NEK4: variants seen among roughly 807,000 people sequenced by gnomAD.
The protein encoded by NEK4 is NIMA related kinase 4.
In NEK4, 86 loss-of-function variants were observed where a neutral mutation model predicts 98.4. That is an observed-to-expected ratio of 0.87 (90% CI 0.73 to 1.05). NEK4 has a LOEUF of 1.05. Ranked by LOEUF, NEK4 falls within the 50% of genes least tolerant of loss-of-function variation. NEK4 has a pLI of 0.00. For missense variants in NEK4, 898 were observed against 950.3 expected, an observed-to-expected ratio of 0.94 and a Z score of 0.72; for synonymous variants, 328 against 342.2, an observed-to-expected ratio of 0.96 and a Z score of 0.46.
intron 6 of NEK4, chr3:52,754,707 C>G (rs758063178): frequency 1.9e-6 from 1 of 539,182 alleles, no homozygotes; most frequent in Non-Finnish European, 3.7e-6. Context: ...GATGGTGAAT[C>G]TGGTACACCA....
chr3:52,723,544 A>G (rs1425195861), intron 15 of NEK4, among the ~76,000 whole-genome samples: 1 of 152,170 alleles, frequency 6.6e-6, no homozygotes, highest in Non-Finnish European at 1.5e-5. Flanking sequence ...GCCCGGTCTG[A>G]AAAAAAGAAA....
chr3:52,755,539 A>G (rs541780608), intron 6 of NEK4, among the ~76,000 whole-genome samples: 7 of 152,172 alleles, frequency 4.6e-5, no homozygotes, highest in Non-Finnish European at 1.0e-4. Flanking sequence ...AAAAAAATTC[A>G]TAACATAATA....
At chr3:52,719,846 T>C (rs1050934009) in intron 15 of NEK4, among the ~76,000 whole-genome samples, 1 of 152,024 alleles carries the variant, frequency 6.6e-6, no homozygotes, top group African/African-American at 2.4e-5. Flanking sequence ...ATTAGCAAGC[T>C]TGGGGACAGA....
intron 15 of NEK4, among the ~76,000 whole-genome samples, chr3:52,722,945 T>A (rs1024481674): frequency 3.9e-5 from 6 of 152,186 alleles, no homozygotes; most frequent in South Asian, 2.1e-4. Flanking sequence ...GGCTCACACC[T>A]GAAATCTAAG....
At chr3:52,743,319 G>T (rs780553580) in intron 12 of NEK4, 33 bp downstream of exon 12, 1 of 1,544,338 alleles carries the variant, frequency 6.5e-7, no homozygotes, top group African/African-American at 1.4e-5. Flanking sequence ...GATGTAGACT[G>T]TCCACCTTCT....
chr3:52,724,619 C>A (rs1373423193), intron 15 of NEK4, among the ~76,000 whole-genome samples: 6 of 152,050 alleles, frequency 3.9e-5, no homozygotes, highest in African/African-American at 1.4e-4. Context: ...TCAGATTAAT[C>A]AAATTAATAG....
At chr3:52,725,634 G>A (rs1453341752) in intron 15 of NEK4, among the ~76,000 whole-genome samples, 2 of 151,998 alleles carry the variant, frequency 1.3e-5, no homozygotes, top group Admixed American at 1.3e-4. Flanking sequence ...GTATGTTATT[G>A]AAGTTAAGCT....
At chr3:52,735,446 G>C (rs934953988) in intron 15 of NEK4, among the ~76,000 whole-genome samples, 3 of 152,182 alleles carry the variant, frequency 2.0e-5, no homozygotes, top group African/African-American at 7.2e-5. Context: ...ATTTATGTCA[G>C]AAATGGACAT....
At chr3:52,723,450 G>A (rs1371138476) in intron 15 of NEK4, among the ~76,000 whole-genome samples, 2 of 151,858 alleles carry the variant, frequency 1.3e-5, no homozygotes, top group Non-Finnish European at 2.9e-5. Flanking sequence ...TACCATGTTG[G>A]TCAGGCTGGT....
At chr3:52,738,965 C>A (rs928314123) in intron 14 of NEK4, among the ~76,000 whole-genome samples, 7 of 152,152 alleles carry the variant, frequency 4.6e-5, no homozygotes, top group Non-Finnish European at 1.0e-4. Context: ...TTCAGGAATA[C>A]CTCTGTTGCA....
intron 4 of NEK4, among the ~76,000 whole-genome samples, chr3:52,765,107 T>A (rs1698504165): frequency 6.6e-6 from 1 of 152,044 alleles, no homozygotes. Flanking sequence ...TCCCAGCATT[T>A]TGGGAGGCTG....
chr3:52,754,774 T>G lies in NEK4; in HGVS notation c.964-2438A>C, dbSNP rs758508135. On this transcript the variant is annotated intron_variant, in intron 6 of 15. Transcript: ENST00000233027. ...AAGCTGACCAATGGCAATGGACAGC[T>G]TGAAAAACAAAACTGTGGGCCGGGC... is the stretch of plus-strand genomic sequence containing the variant. The G allele has an allele frequency of 8.5e-6, 3 of 354,870 alleles. No homozygotes were observed. In the East Asian group the frequency reaches 2.0e-4, roughly 23 times the overall value. 22.0% of individuals were successfully genotyped at this position (354,870 alleles called of 1,614,324 possible).
chr3:52,765,599 T>C (rs1305007739), intron 4 of NEK4, among the ~76,000 whole-genome samples: 1 of 152,164 alleles, frequency 6.6e-6, no homozygotes, highest in Non-Finnish European at 1.5e-5. Flanking sequence ...AAGAGACAAA[T>C]AGCCTCTCAG....
intron 15 of NEK4, among the ~76,000 whole-genome samples, chr3:52,723,536 C>T (rs537094084): frequency 1.3e-5 from 2 of 151,998 alleles, no homozygotes; most frequent in Admixed American, 6.5e-5. Flanking sequence ...GCCACCATGC[C>T]CGGTCTGAAA....
At chr3:52,721,949 G>A (rs1306443192) in intron 15 of NEK4, among the ~76,000 whole-genome samples, 3 of 152,162 alleles carry the variant, frequency 2.0e-5, no homozygotes, top group Non-Finnish European at 4.4e-5. Context: ...AAATCAGTCC[G>A]AAGGCTGAAA....
chr3:52,770,870 C>T lies in NEK4; in HGVS notation c.-124G>A. ...GGGGCGGCTGTTGAGGCAGCCGGGCCCGGGCGGGATTGCTGGGGCCCGGCC... is the reference window on the plus strand; with the variant it reads ...GGGGCGGCTGTTGAGGCAGCCGGGCTCGGGCGGGATTGCTGGGGCCCGGCC... On this transcript the variant is annotated 5_prime_UTR_variant, in exon 1 of 16. Transcript: ENST00000233027. 3.6e-6 allele frequency: 3 copies of T among 838,534 alleles called. No homozygotes were observed. The South Asian group carries it at 4.7e-5, about 13-fold the overall frequency. The allele number at this position is 838,534 out of a possible 1,614,324, so 51.9% of individuals were successfully genotyped here.
intron 8 of NEK4, 29 bp from the exon 9 acceptor site, chr3:52,746,933 G>A: frequency 1.3e-6 from 2 of 1,551,406 alleles, no homozygotes; most frequent in Non-Finnish European, 1.8e-6. Flanking sequence ...ACATTTTAAA[G>A]TATAGCAGCA....
At chr3:52,757,991 C>T (rs1166834400) in intron 6 of NEK4, among the ~76,000 whole-genome samples, 2 of 151,808 alleles carry the variant, frequency 1.3e-5, no homozygotes, top group South Asian at 4.2e-4. Flanking sequence ...GTCTGGCCAA[C>T]GTGGTGAAAC....
chr3:52,718,491 A>T (rs2097357190), intron 15 of NEK4, among the ~76,000 whole-genome samples: 1 of 142,096 alleles, frequency 7.0e-6, no homozygotes, highest in Admixed American at 7.2e-5. Context: ...AAAAAAAAAA[A>T]AGAAATACAA....
Sources: gnomAD v4.1 joint callset for allele counts (sites outside exome capture counted in the v4.1 genomes callset) on GRCh38, gnomAD v4.1.1 for gene constraint, MANE v1.5 for transcripts, NCBI Gene and HGNC (gene_info 2026-07-23, HGNC 2026-07-21) for gene names.